ABLIM1: variants seen among roughly 807,000 people sequenced by gnomAD.
ABLIM1 encodes the protein actin binding LIM protein 1, also known as actin-binding LIM protein 1.
Under a neutral mutation model 107.0 loss-of-function variants are expected in ABLIM1, and 40 were observed. That is an observed-to-expected ratio of 0.37 (90% CI 0.29 to 0.49). ABLIM1 has a LOEUF of 0.49. Among genes scored for constraint, ABLIM1 ranks in the 20% least tolerant of loss-of-function variants. The pLI, the probability that ABLIM1 is intolerant of heterozygous loss-of-function variation, is 0.97. For synonymous variants in ABLIM1, 357 were observed against 357.3 expected (o/e 1.00, Z 0.01); for missense variants, 857 against 1,008.5 (o/e 0.85, Z 2.04).
chr10:114,623,501 T>C (rs1286425048), intron 1 of ABLIM1, among the ~76,000 whole-genome samples: 2 of 152,158 alleles, frequency 1.3e-5, no homozygotes, highest in African/African-American at 2.4e-5. Context: ...CCAGATGATA[T>C]TTGCAAAAGG....
intron 1 of ABLIM1, among the ~76,000 whole-genome samples, chr10:114,652,229 CA>C (rs1247934366): frequency 6.6e-6 from 1 of 152,160 alleles, no homozygotes; most frequent in Non-Finnish European, 1.5e-5. Flanking sequence ...GTCTTTTTGA[CA>C]ACAAAGCCAT....
chr10:114,456,687 T>G (rs1041131261), intron 12 of ABLIM1, among the ~76,000 whole-genome samples: 1 of 152,190 alleles, frequency 6.6e-6, no homozygotes, highest in Non-Finnish European at 1.5e-5. Context: ...GACACAAACT[T>G]TAAGGTTATT....
At chr10:114,602,001 C>G (rs376493203) in intron 1 of ABLIM1, 40 bp from the exon 2 acceptor site, 11 of 1,609,000 alleles carry the variant, frequency 6.8e-6, no homozygotes, top group Non-Finnish European at 9.4e-6. Flanking sequence ...GAGTAGAGAG[C>G]ATTCCTGCAA....
the ABLIM1 span, among the ~76,000 whole-genome samples, chr10:114,786,523 T>G: frequency 3.3e-5 from 5 of 152,368 alleles, no homozygotes; most frequent in South Asian, 2.1e-4. Context: ...GCCTTATTAA[T>G]AGATGGATTA....
At chr10:114,453,307 AC>A in intron 13 of ABLIM1, 71 bp downstream of exon 13, 1 of 1,486,202 alleles carries the variant, frequency 6.7e-7, no homozygotes, top group Non-Finnish European at 9.4e-7. Flanking sequence ...GAGAGATGAG[AC>A]AAGACGAGGT....
intron 21 of ABLIM1, 33 bp from the exon 22 acceptor site, chr10:114,437,957 C>T: frequency 6.3e-7 from 1 of 1,577,886 alleles, no homozygotes; most frequent in Non-Finnish European, 8.7e-7. Flanking sequence ...TTCTAGAACA[C>T]CACAGTCCAT....
intron 1 of ABLIM1, among the ~76,000 whole-genome samples, chr10:114,755,964 GT>G (rs1424714331): frequency 1.3e-5 from 2 of 152,082 alleles, no homozygotes; most frequent in Non-Finnish European, 2.9e-5. Context: ...ATTCACCCAT[GT>G]TTTTTTCTAG....
At chr10:114,538,783 T>C (rs1035327013) in intron 6 of ABLIM1, among the ~76,000 whole-genome samples, 1 of 152,158 alleles carries the variant, frequency 6.6e-6, no homozygotes, top group African/African-American at 2.4e-5. Flanking sequence ...CACTCTGCAG[T>C]GTGGGACGAG....
intron 2 of ABLIM1, among the ~76,000 whole-genome samples, chr10:114,598,245 G>A (rs1049435203): frequency 6.2e-5 from 8 of 128,078 alleles, no homozygotes; most frequent in Admixed American, 2.9e-4. Flanking sequence ...CCGCACTCCA[G>A]CCTGGGCAAC....
intron 1 of ABLIM1, among the ~76,000 whole-genome samples, chr10:114,757,040 T>C (rs552686623): frequency 2.0e-5 from 3 of 152,372 alleles, no homozygotes; most frequent in African/African-American, 4.8e-5. Context: ...AATAGTGTTT[T>C]TGCAGTGCTA....
upstream of ABLIM1, among the ~76,000 whole-genome samples, chr10:114,771,915 T>C (rs1011299410): frequency 2.6e-5 from 4 of 152,196 alleles, no homozygotes; most frequent in African/African-American, 9.7e-5. Context: ...GTAATGTACA[T>C]TATTAACATT....
intron 6 of ABLIM1, among the ~76,000 whole-genome samples, chr10:114,538,540 C>T (rs2066279026): frequency 1.3e-5 from 2 of 152,144 alleles, no homozygotes. Flanking sequence ...ACAGGTAGCA[C>T]AGTAAATACC....
At chr10:114,727,528 GAA>G (rs2081985229) in intron 1 of ABLIM1, among the ~76,000 whole-genome samples, 1 of 152,074 alleles carries the variant, frequency 6.6e-6, no homozygotes, top group African/African-American at 2.4e-5. Flanking sequence ...ATCATAATAG[GAA>G]AAGTCAAACT....
chr10:114,618,728 TC>T (rs1239768271), intron 1 of ABLIM1, among the ~76,000 whole-genome samples: 1 of 152,248 alleles, frequency 6.6e-6, no homozygotes, highest in African/African-American at 2.4e-5. Flanking sequence ...CTCCTGGTCA[TC>T]TTGCACCACG....
Position 114,575,465 on chromosome 10 carries a change from C to T in ABLIM1, c.514G>A (p.Ala172Thr), listed in dbSNP as rs781679824. 1 of 1,614,210 alleles carries T rather than the reference C, an allele frequency of 6.2e-7. No homozygotes were observed. Among genetic ancestry groups the T allele is most frequent in the Non-Finnish European group, 8.5e-7 (1 of 1,180,036 alleles). The change falls in exon 3 of 23, where the codon GCT becomes ACT. Residue 172 changes from alanine (A) to threonine (T), a missense_variant. This residue lies in a region of ABLIM1 where 381 missense variants were observed against 506.9 expected (regional missense o/e 0.75). Coordinates refer to ENST00000533213, the MANE Select transcript of ABLIM1 (RefSeq NM_002313.7). ...TTGGGATGGTAGGTCTTGCCCAGAG[C>T]AGTCACCACTTCGCCCTCCACGAAC... ...GEFVEGEVVTALGKTYHPNCF... is the reference protein window; with the variant it reads ...GEFVEGEVVTTLGKTYHPNCF...
chr10:114,546,073 C>A (rs1197807843), intron 5 of ABLIM1, among the ~76,000 whole-genome samples: 2 of 152,062 alleles, frequency 1.3e-5, no homozygotes, highest in African/African-American at 4.8e-5. Flanking sequence ...TCTCAGGAGG[C>A]CTCCGGAGCC....
upstream of ABLIM1, among the ~76,000 whole-genome samples, chr10:114,771,464 T>C (rs1040025963): frequency 2.0e-5 from 3 of 152,222 alleles, no homozygotes; most frequent in Non-Finnish European, 2.9e-5. Context: ...TTAGTCTTCT[T>C]CAGGTTAAGT....
At chr10:114,765,154 C>T (rs1361036414) in intron 1 of ABLIM1, among the ~76,000 whole-genome samples, 2 of 152,026 alleles carry the variant, frequency 1.3e-5, no homozygotes, top group Admixed American at 1.3e-4. Context: ...TCAAGCTATT[C>T]TCCTGCCTCA....
intron 1 of ABLIM1, among the ~76,000 whole-genome samples, chr10:114,621,026 T>C (rs1213021465): frequency 3.9e-5 from 6 of 152,220 alleles, no homozygotes; most frequent in African/African-American, 1.2e-4. Flanking sequence ...CCTCTCCTTA[T>C]GTCCATTGCT....
Sources: gnomAD v4.1 joint callset for allele counts (sites outside exome capture counted in the v4.1 genomes callset) on GRCh38, gnomAD v4.1.1 for gene constraint, gnomAD v4.1.1 regional missense constraint, MANE v1.5 for transcripts, NCBI Gene and HGNC (gene_info 2026-07-23, HGNC 2026-07-21) for gene names.